KCNIP4: variants seen among roughly 807,000 people sequenced by gnomAD.
KCNIP4 encodes the protein potassium voltage-gated channel interacting protein 4.
Under a neutral mutation model 34.0 loss-of-function variants are expected in KCNIP4, and 12 were observed. The ratio of observed to expected loss-of-function variants is 0.35; its 90% confidence interval spans 0.23 to 0.57. KCNIP4 has a LOEUF of 0.57. Ranked by LOEUF, KCNIP4 falls within the 20% of genes least tolerant of loss-of-function variation. The probability of loss-of-function intolerance (pLI) is 0.83; values close to 1 mark genes in which losing one functional copy is unlikely to be tolerated. For synonymous variants in KCNIP4, 124 were observed against 102.2 expected, an observed-to-expected ratio of 1.21 and a Z score of -1.29; for missense variants, 238 against 311.7, an observed-to-expected ratio of 0.76 and a Z score of 1.78.
chr4:20,950,911 C>T (rs191391375), intron 1 of KCNIP4, among the ~76,000 whole-genome samples: 11 of 152,202 alleles, frequency 7.2e-5, no homozygotes, highest in Admixed American at 5.2e-4. Flanking sequence ...CGCTCTTTCA[C>T]AGAATACCAC....
At chr4:21,346,774 G>A (rs906392005) in intron 1 of KCNIP4, among the ~76,000 whole-genome samples, 24 of 151,986 alleles carry the variant, frequency 1.6e-4, no homozygotes, top group African/African-American at 5.8e-4. Flanking sequence ...TGATGCTGCC[G>A]AAACTCAGAC....
intron 1 of KCNIP4, among the ~76,000 whole-genome samples, chr4:21,602,539 T>C (rs1291714225): frequency 6.6e-6 from 1 of 152,174 alleles, no homozygotes; most frequent in Non-Finnish European, 1.5e-5. Flanking sequence ...GTGTGTGTGT[T>C]GACTTTTCAC....
chr4:21,219,349 G>A (rs1340545825), intron 1 of KCNIP4, among the ~76,000 whole-genome samples: 1 of 152,142 alleles, frequency 6.6e-6, no homozygotes, highest in Non-Finnish European at 1.5e-5. Context: ...CAGAAAGAAT[G>A]GCTTGATATG....
At chr4:21,114,411 G>A (rs765638270) in intron 1 of KCNIP4, among the ~76,000 whole-genome samples, 3 of 152,062 alleles carry the variant, frequency 2.0e-5, no homozygotes, top group Non-Finnish European at 2.9e-5. Flanking sequence ...AAAATAGTAC[G>A]ATCTAAAAAT....
intron 1 of KCNIP4, among the ~76,000 whole-genome samples, chr4:21,050,800 A>T (rs1464749827): frequency 1.3e-5 from 2 of 152,226 alleles, no homozygotes; most frequent in African/African-American, 4.8e-5. Context: ...TGATAGATCG[A>T]GTAGTTGGAG....
chr4:21,015,651 ATAT>A (rs1207717390), intron 1 of KCNIP4, among the ~76,000 whole-genome samples: 21,248 of 121,006 alleles, frequency 0.18, 1,340 homozygotes, highest in South Asian at 0.23. Context: ...ATAATATAGT[ATAT>A]TGTATTAATA....
intron 1 of KCNIP4, among the ~76,000 whole-genome samples, chr4:21,865,421 A>G (rs888190694): frequency 1.3e-5 from 2 of 152,176 alleles, no homozygotes; most frequent in African/African-American, 4.8e-5. Context: ...GAGAAAAGGA[A>G]AGGAAAGGAA....
At chr4:21,834,585 T>G (rs1723200002) in intron 1 of KCNIP4, among the ~76,000 whole-genome samples, 1 of 152,164 alleles carries the variant, frequency 6.6e-6, no homozygotes, top group Non-Finnish European at 1.5e-5. Flanking sequence ...ACCCTTTATT[T>G]CCTTCTCTTG....
intron 1 of KCNIP4, among the ~76,000 whole-genome samples, chr4:20,906,918 G>A (rs991467958): frequency 6.6e-6 from 1 of 152,188 alleles, no homozygotes; most frequent in Admixed American, 6.5e-5. Context: ...AAGACAAGTA[G>A]GATTTGTAAG....
intron 1 of KCNIP4, among the ~76,000 whole-genome samples, chr4:21,092,718 G>T (rs779194976): frequency 2.6e-5 from 4 of 152,134 alleles, no homozygotes; most frequent in Non-Finnish European, 5.9e-5. Context: ...GAGGGGCAGG[G>T]AGCATACTCC....
At chr4:21,418,822 G>C (rs1411758305) in intron 1 of KCNIP4, among the ~76,000 whole-genome samples, 1 of 152,084 alleles carries the variant, frequency 6.6e-6, no homozygotes, top group Non-Finnish European at 1.5e-5. Context: ...TGCTCAGAAG[G>C]CTCCAATCAT....
At chr4:21,505,316 T>A (rs358557) in intron 1 of KCNIP4, among the ~76,000 whole-genome samples, 73,753 of 151,696 alleles carry the variant, frequency 0.49, 20,022 homozygotes, top group African/African-American at 0.73. Context: ...TTATCAGCTC[T>A]CATACACAAT....
At chr4:21,393,438 A>C (rs1434815743) in intron 1 of KCNIP4, among the ~76,000 whole-genome samples, 2 of 152,168 alleles carry the variant, frequency 1.3e-5, no homozygotes, top group Middle Eastern at 3.2e-3. Context: ...GAGTCTAGCT[A>C]TAACTATGCA....
chr4:21,199,382 G>T (rs1192586601), intron 1 of KCNIP4, among the ~76,000 whole-genome samples: 1 of 152,112 alleles, frequency 6.6e-6, no homozygotes, highest in East Asian at 1.9e-4. Flanking sequence ...AGAACTATCT[G>T]TTCATATCCT....
At chr4:21,509,641 C>A (rs1264845652) in intron 1 of KCNIP4, among the ~76,000 whole-genome samples, 2 of 152,184 alleles carry the variant, frequency 1.3e-5, no homozygotes, top group Non-Finnish European at 2.9e-5. Flanking sequence ...AGCCACTCCT[C>A]AGGCTGTTCC....
intron 1 of KCNIP4, among the ~76,000 whole-genome samples, chr4:21,075,839 G>A (rs1156306990): frequency 2.0e-5 from 3 of 152,138 alleles, no homozygotes; most frequent in South Asian, 2.1e-4. Flanking sequence ...GCCTGGTGGT[G>A]ACAAAATCTC....
At chr4:20,980,543 TTCTA>T (rs1372463335) in intron 1 of KCNIP4, among the ~76,000 whole-genome samples, 5 of 152,210 alleles carry the variant, frequency 3.3e-5, no homozygotes, top group African/African-American at 1.2e-4. Context: ...CTTAACCCTT[TTCTA>T]TCTGTGTCTA....
chr4:21,598,433 G>A (rs1742826839), intron 1 of KCNIP4, among the ~76,000 whole-genome samples: 1 of 152,086 alleles, frequency 6.6e-6, no homozygotes, highest in Non-Finnish European at 1.5e-5. Flanking sequence ...CAACCCTGCA[G>A]TTGTAGTACA....
At chr4:20,786,570 T>C (rs1360393194) in intron 3 of KCNIP4, among the ~76,000 whole-genome samples, 3 of 152,156 alleles carry the variant, frequency 2.0e-5, no homozygotes. Context: ...AGATGGAAAC[T>C]TTATCAGAAA....
Sources: gnomAD v4.1 joint callset for allele counts (sites outside exome capture counted in the v4.1 genomes callset) on GRCh38, gnomAD v4.1.1 for gene constraint, MANE v1.5 for transcripts, NCBI Gene and HGNC (gene_info 2026-07-23, HGNC 2026-07-21) for gene names.